Variants in TTLL7 observed in about 807,000 individuals in gnomAD.
TTLL7 encodes the protein tubulin polyglutamylase TTLL7.
A neutral mutation model predicts 120.2 loss-of-function variants in TTLL7; 53 were observed. That is an observed-to-expected ratio of 0.44 (90% confidence interval 0.35 to 0.55). The LOEUF is 0.55. Ranked by LOEUF, TTLL7 falls within the 20% of genes least tolerant of loss-of-function variation. The pLI, the probability that TTLL7 is intolerant of heterozygous loss-of-function variation, is 0.00. For synonymous variants in TTLL7, 353 were observed against 351.7 expected (o/e 1.00, Z -0.04); for missense variants, 803 against 1,054.7 (o/e 0.76, Z 3.31).
chr1:83,948,184 AACACACACACACAC>A (rs35199174), intron 5 of TTLL7, among the ~76,000 whole-genome samples: 36 of 147,458 alleles, frequency 2.4e-4, no homozygotes, highest in African/African-American at 8.4e-4. Context: ...GACACACACA[AACACACACACACAC>A]ACACACACAC....
intron 8 of TTLL7, among the ~76,000 whole-genome samples, chr1:83,937,546 AG>A (rs1343764453): frequency 1.3e-5 from 2 of 152,156 alleles, no homozygotes; most frequent in African/African-American, 4.8e-5. Context: ...TAGGAGCCAC[AG>A]GCTATACCAT....
At chr1:83,878,196 GGTTT>G (rs1010067046) in intron 20 of TTLL7, among the ~76,000 whole-genome samples, 4 of 150,886 alleles carry the variant, frequency 2.7e-5, no homozygotes, top group South Asian at 2.1e-4. Flanking sequence ...GTGAAATTTG[GGTTT>G]GTTTTTTTTT....
At chr1:83,884,254 C>G (rs560261249) in intron 19 of TTLL7, among the ~76,000 whole-genome samples, 127 of 151,926 alleles carry the variant, frequency 8.4e-4, no homozygotes, top group African/African-American at 2.9e-3. Context: ...TGATTCACAT[C>G]TCATTTTGCA....
chr1:83,910,384 T>C (rs191523228), intron 15 of TTLL7, among the ~76,000 whole-genome samples: 10 of 152,064 alleles, frequency 6.6e-5, no homozygotes, highest in African/African-American at 2.2e-4. Context: ...TTCAGAAAAG[T>C]CCTGGACTGG....
At chr1:83,947,335 T>A (rs1648604384) in intron 5 of TTLL7, 53 bp from the exon 6 acceptor site, 1 of 1,488,932 alleles carries the variant, frequency 6.7e-7, no homozygotes, top group Non-Finnish European at 9.1e-7. Context: ...TAGCATATAT[T>A]TTCTTTCTCT....
chr1:83,911,815 G>C (rs1657699990), intron 14 of TTLL7, among the ~76,000 whole-genome samples: 1 of 151,848 alleles, frequency 6.6e-6, no homozygotes, highest in South Asian at 2.1e-4. Context: ...AAGTGCATCT[G>C]TGTGTGTATG....
At position 83,992,082 on chromosome 1, in the gene TTLL7, C is replaced by G. The variant is rs1653055116; in HGVS notation, c.-177+6849G>C. 3.9e-5 allele frequency among the ~76,000 whole-genome samples: 6 copies of G among 152,268 alleles called. 1 individual carries two copies. In the Middle Eastern group the frequency reaches 0.02, roughly 518 times the overall value. On this transcript the variant is annotated intron_variant, in intron 1 of 20. Transcript: ENST00000260505. ...TAAATGTTTAAAAAAGAAAATGCCT[C>G]TTATTCTGAAATGTCAACCCCATAA...
chr1:83,946,440 G>A (rs1648515290), intron 6 of TTLL7: 1 of 152,170 alleles, frequency 6.6e-6, no homozygotes, highest in African/African-American at 2.4e-5. Context: ...AAGGAAACAA[G>A]AGTATTACTT....
rs1202168714 is a variant in TTLL7 at position 83,865,903 on chromosome 1, C to G, written c.*4059G>C. On this transcript the variant is annotated 3_prime_UTR_variant, in exon 21 of 21. Transcript: ENST00000260505. ...AATAAAGAATAGGCAGTGTAAGTAA[C>G]AAAATTGTCATCATGAATATATTTC... is the stretch of plus-strand genomic sequence containing the variant. 6.6e-6 allele frequency: 1 copy of G among 151,866 alleles called. No homozygotes were observed. The highest frequency in any genetic ancestry group is 1.5e-5 in the Non-Finnish European group (1 of 67,812). 9.4% of individuals were successfully genotyped at this position (151,866 alleles called of 1,614,324 possible).
intron 1 of TTLL7, among the ~76,000 whole-genome samples, chr1:83,957,910 A>G (rs1649665966): frequency 6.6e-6 from 1 of 152,222 alleles, no homozygotes; most frequent in Non-Finnish European, 1.5e-5. Context: ...TGAGAAATAA[A>G]TATCTATTGT....
rs1407679786 is a variant in TTLL7, at chr1:83,869,917, A to C, written c.*45T>G. ...GCATGTTCAACTTCAGAGGAAAAAAATGAATTGCTGTTATGTATAACCAAT... is the reference window on the plus strand; with the variant it reads ...GCATGTTCAACTTCAGAGGAAAAAACTGAATTGCTGTTATGTATAACCAAT... On this transcript the variant is annotated 3_prime_UTR_variant, in exon 21 of 21. Coordinates refer to ENST00000260505, the MANE Select transcript of TTLL7 (RefSeq NM_024686.6). 1 of 1,581,550 alleles carries C rather than the reference A, an allele frequency of 6.3e-7. No individual in the cohort carries two copies.
At chr1:83,942,392 C>A in intron 7 of TTLL7, 71 bp downstream of exon 7, 1 of 1,271,624 alleles carries the variant, frequency 7.9e-7, no homozygotes, top group South Asian at 1.3e-5. Flanking sequence ...AATCTATATG[C>A]CTAATGGATG....
intron 19 of TTLL7, among the ~76,000 whole-genome samples, chr1:83,887,675 G>A (rs74094988): frequency 0.02 from 3,001 of 152,128 alleles, 101 homozygotes; most frequent in African/African-American, 0.067. Context: ...AAACAAGCTT[G>A]GCAACCATTG....
At chr1:83,938,396 A>C (rs1356963350) in intron 7 of TTLL7, among the ~76,000 whole-genome samples, 1 of 152,186 alleles carries the variant, frequency 6.6e-6, no homozygotes, top group Non-Finnish European at 1.5e-5. Flanking sequence ...TTTTCACTCA[A>C]ATCTGTTTTG....
chr1:83,960,299 G>A (rs968584735), intron 1 of TTLL7, among the ~76,000 whole-genome samples: 4 of 152,088 alleles, frequency 2.6e-5, no homozygotes, highest in Admixed American at 6.6e-5. Flanking sequence ...AGATTACACT[G>A]GCAGTTATTG....
At position 83,952,116 on chromosome 1, in the gene TTLL7, T is replaced by C; in HGVS notation, c.25+71A>G. The C allele has an allele frequency of 1.3e-6, 2 of 1,528,534 alleles. 1 individual carries two copies. Among genetic ancestry groups the C allele is most frequent in the South Asian group, 2.3e-5 (2 of 86,586 alleles). The allele number at this position is 1,528,534 out of a possible 1,614,324, so 94.7% of individuals were successfully genotyped here. A position where few individuals can be genotyped will look rare whatever the true frequency, so the allele number is the denominator to read the frequency against. ...AAAGTCCCCAATTAATTTTTAATAC[T>C]TTAAAAATATTAACAGTAATGATGT... is the stretch of plus-strand genomic sequence containing the variant. On this transcript the variant is annotated intron_variant, in intron 2 of 20. Coordinates refer to ENST00000260505, the MANE Select transcript of TTLL7 (RefSeq NM_024686.6).
At chr1:83,996,868 T>C (rs1392985178) in intron 1 of TTLL7, among the ~76,000 whole-genome samples, 5 of 130,290 alleles carry the variant, frequency 3.8e-5, no homozygotes, top group African/African-American at 1.5e-4. Context: ...TGCACTTTCC[T>C]TTTTTTTTTT....
intron 18 of TTLL7, among the ~76,000 whole-genome samples, chr1:83,891,100 AC>A (rs1400243762): frequency 6.6e-6 from 1 of 152,070 alleles, no homozygotes; most frequent in Non-Finnish European, 1.5e-5. Context: ...AAAGCTATGG[AC>A]CATAAAAGAT....
In TTLL7 at chr1:83,929,175, C is replaced by G; in HGVS notation, c.1103G>C (p.Arg368Thr). The part of the protein sequence containing the change: ...TDQKIDYDVK[R>T]GVLLNALKLL... ...CTTCAACGCATTTAGCAGCACTCCC[C>G]TTTTTACATCATAGTCTATTTTCTG... The change falls in exon 10 of 21, where the codon AGG (arginine) becomes ACG (threonine). Residue 368 changes from arginine (R) to threonine (T), a missense_variant. Arg to Thr is a moderately conservative substitution (Grantham distance 71). Coordinates refer to ENST00000260505, the MANE Select transcript of TTLL7 (RefSeq NM_024686.6). 1 of 1,612,794 alleles carries G rather than the reference C, an allele frequency of 6.2e-7. No individual in the cohort carries two copies. Among genetic ancestry groups the G allele is most frequent in the Non-Finnish European group, 8.5e-7 (1 of 1,179,184 alleles).
Sources: gnomAD v4.1 joint callset for allele counts (sites outside exome capture counted in the v4.1 genomes callset) on GRCh38, gnomAD v4.1.1 for gene constraint, MANE v1.5 for transcripts, NCBI Gene and HGNC (gene_info 2026-07-23, HGNC 2026-07-21) for gene names.